The following STK32C variants were observed in gnomAD, a reference collection of about 807,000 sequenced individuals.
STK32C encodes serine/threonine kinase 32C, also known as serine/threonine-protein kinase 32C.
Under a neutral mutation model 56.5 loss-of-function variants are expected in STK32C, and 31 were observed. That is an observed-to-expected ratio of 0.55 (90% CI 0.41 to 0.74). STK32C has a LOEUF of 0.74. STK32C is among the 30% of genes least tolerant of loss of function. The pLI is 0.00. For synonymous variants in STK32C, 309 were observed against 289.4 expected, an observed-to-expected ratio of 1.07 and a Z score of -0.69; for missense variants, 544 against 676.9, an observed-to-expected ratio of 0.80 and a Z score of 2.18.
chr10:132,285,362 C>A (rs1234366760), intron 1 of STK32C, among the ~76,000 whole-genome samples: 1 of 152,198 alleles, frequency 6.6e-6, no homozygotes, highest in Admixed American at 6.5e-5. Context: ...ACTGTAGACT[C>A]AAGGAAAACC....
chr10:132,224,711 G>A (rs533705425), intron 7 of STK32C, among the ~76,000 whole-genome samples, 188 bp from the exon 8 acceptor site: 6 of 152,156 alleles, frequency 3.9e-5, no homozygotes, highest in African/African-American at 9.6e-5. Context: ...TTACGCCTGG[G>A]TCCTGCGCCC....
intron 2 of STK32C, among the ~76,000 whole-genome samples, chr10:132,243,968 C>T (rs1352383735): frequency 2.0e-5 from 3 of 152,160 alleles, no homozygotes; most frequent in Non-Finnish European, 4.4e-5. Context: ...GTGGCTGGGG[C>T]CCCTGCTGCT....
chr10:132,330,584 T>C, intron 1 of STK32C: 2 of 705,124 alleles, frequency 2.8e-6, no homozygotes, highest in Non-Finnish European at 2.6e-6. Context: ...CATAACTCAC[T>C]GCAGCCTCAA....
chr10:132,286,739 G>A (rs1255542870), intron 1 of STK32C, among the ~76,000 whole-genome samples: 1 of 152,164 alleles, frequency 6.6e-6, no homozygotes, highest in African/African-American at 2.4e-5. Context: ...AAACTAAGAG[G>A]AGAAGGAGAT....
intron 1 of STK32C, among the ~76,000 whole-genome samples, chr10:132,293,812 G>C (rs547529463): frequency 5.3e-5 from 8 of 152,310 alleles, no homozygotes; most frequent in Non-Finnish European, 8.8e-5. Context: ...TGGGGGTGGG[G>C]ACAGCCCCGA....
intron 1 of STK32C, among the ~76,000 whole-genome samples, chr10:132,301,956 C>G (rs2138373687): frequency 6.6e-6 from 1 of 152,350 alleles, no homozygotes; most frequent in Non-Finnish European, 1.5e-5. Flanking sequence ...CTCTCACACT[C>G]AAAGTATGTC....
chr10:132,261,835 G>A (rs375441151), intron 1 of STK32C, among the ~76,000 whole-genome samples: 13 of 152,234 alleles, frequency 8.5e-5, no homozygotes, highest in African/African-American at 3.1e-4. Context: ...CTAACAGATT[G>A]GCAGAATCAA....
intron 10 of STK32C, among the ~76,000 whole-genome samples, chr10:132,213,958 G>A (rs566384123): frequency 4.6e-5 from 7 of 151,122 alleles, no homozygotes; most frequent in East Asian, 3.9e-4. Flanking sequence ...GAAACTTCTC[G>A]AACTGAAATG....
chr10:132,304,237 C>CA, intron 1 of STK32C, among the ~76,000 whole-genome samples: 2 of 152,236 alleles, frequency 1.3e-5, no homozygotes, highest in East Asian at 3.9e-4. Context: ...CTCAGGGGAG[C>CA]ACTGCAGAGT....
At chr10:132,239,349 TG>T (rs1565096467) in intron 2 of STK32C, among the ~76,000 whole-genome samples, 1 of 152,010 alleles carries the variant, frequency 6.6e-6, no homozygotes, top group Admixed American at 6.6e-5. Flanking sequence ...CTCCCCAAGC[TG>T]GGGGAGCCCA....
intron 1 of STK32C, among the ~76,000 whole-genome samples, chr10:132,327,889 G>A (rs762996565): frequency 6.6e-6 from 1 of 152,126 alleles, no homozygotes; most frequent in Non-Finnish European, 1.5e-5. Flanking sequence ...GCCTGTGGGG[G>A]CTCTGGGCCC....
intron 10 of STK32C, among the ~76,000 whole-genome samples, chr10:132,219,160 A>G (rs1429422245): frequency 6.6e-6 from 1 of 152,180 alleles, no homozygotes; most frequent in Non-Finnish European, 1.5e-5. Context: ...TATATTAAAA[A>G]CCATGGAATT....
intron 10 of STK32C, chr10:132,209,355 T>C: frequency 1.4e-6 from 1 of 701,882 alleles, no homozygotes; most frequent in Non-Finnish European, 2.6e-6. Context: ...TTGGACTTGC[T>C]CCGTGGGGCC....
chr10:132,293,093 G>A (rs1048748842), intron 1 of STK32C, among the ~76,000 whole-genome samples: 4 of 152,252 alleles, frequency 2.6e-5, no homozygotes, highest in Admixed American at 6.5e-5. Flanking sequence ...AGCACGGCAC[G>A]TGCGGGGCGG....
chr10:132,243,504 A>C (rs996707132), intron 2 of STK32C, among the ~76,000 whole-genome samples: 1 of 152,054 alleles, frequency 6.6e-6, no homozygotes, highest in East Asian at 1.9e-4. Flanking sequence ...CCAAGTCTAG[A>C]TTCCTCCCTG....
At chr10:132,218,879 T>G (rs1285970981) in intron 10 of STK32C, among the ~76,000 whole-genome samples, 1 of 152,184 alleles carries the variant, frequency 6.6e-6, no homozygotes, top group East Asian at 1.9e-4. Flanking sequence ...TCAACAGGAA[T>G]GAAGCACTGA....
intron 1 of STK32C, among the ~76,000 whole-genome samples, chr10:132,328,492 G>C (rs902121723): frequency 6.6e-6 from 1 of 152,334 alleles, no homozygotes; most frequent in Admixed American, 6.5e-5. Context: ...CCCCTAACCT[G>C]TAATGTCTAA....
intron 1 of STK32C, among the ~76,000 whole-genome samples, chr10:132,269,803 G>C (rs1445372420): frequency 6.6e-6 from 1 of 152,180 alleles, no homozygotes; most frequent in African/African-American, 2.4e-5. Flanking sequence ...GGCACAGTGG[G>C]GGCAGTTCTC....
upstream of STK32C, among the ~76,000 whole-genome samples, chr10:132,309,294 T>C (rs1033718634): frequency 6.6e-6 from 1 of 152,082 alleles, no homozygotes; most frequent in African/African-American, 2.4e-5. Flanking sequence ...CCTTGGGGAC[T>C]ATAAGGAATG....
Sources: gnomAD v4.1 joint callset for allele counts (sites outside exome capture counted in the v4.1 genomes callset) on GRCh38, gnomAD v4.1.1 for gene constraint, MANE v1.5 for transcripts, NCBI Gene and HGNC (gene_info 2026-07-23, HGNC 2026-07-21) for gene names.